BMPR2: variants seen among roughly 807,000 people sequenced by gnomAD.
BMPR2 encodes the protein bone morphogenetic protein receptor type 2.
Under a neutral mutation model 100.8 loss-of-function variants are expected in BMPR2, and 29 were observed. The observed-to-expected ratio is 0.29, with a 90% CI of 0.21 to 0.39. BMPR2 has a LOEUF of 0.39. Ranked by LOEUF, BMPR2 falls within the 10% of genes least tolerant of loss-of-function variation. The probability of loss-of-function intolerance (pLI) is 1.00; values close to 1 mark genes in which losing one functional copy is unlikely to be tolerated. For missense variants in BMPR2, 1,011 were observed against 1,274.5 expected (o/e 0.79, Z 3.15); for synonymous variants, 382 against 442.3 (o/e 0.86, Z 1.71).
At chr2:202,515,081 C>T in intron 5 of BMPR2, 102 bp downstream of exon 5, 2 of 1,219,060 alleles carry the variant, frequency 1.6e-6, no homozygotes, top group Non-Finnish European at 2.4e-6. Flanking sequence ...TTTATTTAAC[C>T]CTATTTACTA....
intron 1 of BMPR2, among the ~76,000 whole-genome samples, chr2:202,445,257 T>C (rs1166821154): frequency 6.7e-6 from 1 of 150,044 alleles, no homozygotes; most frequent in Non-Finnish European, 1.5e-5. Flanking sequence ...AGACAGAGTC[T>C]CCCCCATCAC....
At chr2:202,473,429 G>C (rs1196519616) in intron 3 of BMPR2, among the ~76,000 whole-genome samples, 1 of 152,012 alleles carries the variant, frequency 6.6e-6, no homozygotes, top group Non-Finnish European at 1.5e-5. Context: ...TCCAGCCTAG[G>C]CTACAGAGTG....
At chr2:202,435,836 G>T (rs1691604594) in intron 1 of BMPR2, among the ~76,000 whole-genome samples, 1 of 150,428 alleles carries the variant, frequency 6.6e-6, no homozygotes, top group Admixed American at 6.6e-5. Flanking sequence ...CTATCCTATA[G>T]TCTAGAAGTA....
chr2:202,558,978 G>A (rs1380686220), intron 12 of BMPR2, among the ~76,000 whole-genome samples: 1 of 150,908 alleles, frequency 6.6e-6, no homozygotes, highest in Non-Finnish European at 1.5e-5. Flanking sequence ...TTATTCTTCT[G>A]AAAAATATTG....
chr2:202,485,936 G>A (rs2105977668), intron 3 of BMPR2, among the ~76,000 whole-genome samples: 1 of 152,132 alleles, frequency 6.6e-6, no homozygotes, highest in East Asian at 1.9e-4. Context: ...CTAAGTGAGG[G>A]CTTAGTGCCT....
At chr2:202,404,079 C>A (rs1163806738) in intron 1 of BMPR2, among the ~76,000 whole-genome samples, 1 of 150,694 alleles carries the variant, frequency 6.6e-6, no homozygotes, top group Non-Finnish European at 1.5e-5. Context: ...ACTTGAATAT[C>A]ATTTTACCAA....
chr2:202,535,135 G>T (rs368955916), intron 9 of BMPR2, among the ~76,000 whole-genome samples: 2 of 135,834 alleles, frequency 1.5e-5, no homozygotes, highest in East Asian at 4.5e-4. Flanking sequence ...GCGGGGGGCT[G>T]ACCCCCCCAC....
chr2:202,465,549 T>C (rs1230611825), intron 2 of BMPR2, among the ~76,000 whole-genome samples: 1 of 152,064 alleles, frequency 6.6e-6, no homozygotes, highest in African/African-American at 2.4e-5. Flanking sequence ...AAGTCTACAA[T>C]AATATACTCT....
chr2:202,382,069 T>G lies in BMPR2; in HGVS notation c.76+4519T>G, dbSNP rs550806592. Among the ~76,000 whole-genome samples, 115 of 149,026 alleles carry G rather than the reference T, an allele frequency of 7.7e-4. 2 individuals carry two copies. The highest frequency in any genetic ancestry group is 2.7e-3 in the African/African-American group (109 of 40,640). ...CAGTTTTTGTTTTTGTTTTTTTTTT[T>G]TTTTTTTTGAGATGGAGTCTTGCTC... On this transcript the variant is annotated intron_variant, in intron 1 of 12. Coordinates refer to ENST00000374580, the MANE Select transcript of BMPR2 (RefSeq NM_001204.7).
At chr2:202,400,677 C>G (rs947047700) in intron 1 of BMPR2, among the ~76,000 whole-genome samples, 6 of 152,042 alleles carry the variant, frequency 3.9e-5, no homozygotes, top group Middle Eastern at 3.4e-3. Context: ...GTTTTTATTT[C>G]TACTTGGTGA....
intron 1 of BMPR2, among the ~76,000 whole-genome samples, chr2:202,408,753 A>C (rs938514361): frequency 6.6e-6 from 1 of 152,222 alleles, no homozygotes; most frequent in Non-Finnish European, 1.5e-5. Context: ...ACCTACAAGG[A>C]AACAGGAAGA....
At chr2:202,416,583 G>A (rs1259912036) in intron 1 of BMPR2, among the ~76,000 whole-genome samples, 1 of 151,466 alleles carries the variant, frequency 6.6e-6, no homozygotes, top group Admixed American at 6.6e-5. Flanking sequence ...GTGCCACCAC[G>A]CCCAGCTAAT....
intron 3 of BMPR2, among the ~76,000 whole-genome samples, chr2:202,506,206 G>A (rs1008841629): frequency 4.0e-5 from 6 of 151,898 alleles, no homozygotes; most frequent in Admixed American, 1.3e-4. Context: ...ACCCAGGCTG[G>A]AGTGCAGTGG....
intron 12 of BMPR2, among the ~76,000 whole-genome samples, chr2:202,556,758 C>T (rs1217756152): frequency 6.6e-6 from 1 of 151,968 alleles, no homozygotes; most frequent in Admixed American, 6.6e-5. Context: ...ACCAACCTGG[C>T]CAACATGGCG....
At chr2:202,505,113 A>C (rs988706802) in intron 3 of BMPR2, 1 of 162,074 alleles carries the variant, frequency 6.2e-6, no homozygotes, top group African/African-American at 2.4e-5. Flanking sequence ...AGATAGGCCT[A>C]CTGAACCAAA....
intron 2 of BMPR2, among the ~76,000 whole-genome samples, chr2:202,465,375 A>AGTCTTTG (rs1159390093): frequency 4.6e-5 from 7 of 151,986 alleles, no homozygotes; most frequent in African/African-American, 1.7e-4. Flanking sequence ...GCAACAGAGC[A>AGTCTTTG]AGACTCCATC....
intron 9 of BMPR2, among the ~76,000 whole-genome samples, chr2:202,533,451 C>T (rs748062149): frequency 5.3e-5 from 8 of 151,982 alleles, no homozygotes; most frequent in East Asian, 1.9e-4. Flanking sequence ...TGCTTGAACC[C>T]GGGAGGCAGA....
chr2:202,508,522 T>C (rs991564187), intron 3 of BMPR2, among the ~76,000 whole-genome samples: 4 of 152,244 alleles, frequency 2.6e-5, no homozygotes, highest in African/African-American at 9.6e-5. Context: ...TGATGAAATA[T>C]GGGAGTTGTC....
Position 202,545,733 on chromosome 2 carries a change from A to G in BMPR2, c.1413+3286A>G, listed in dbSNP as rs147533856. On this transcript the variant is annotated intron_variant, in intron 10 of 12. Coordinates refer to ENST00000374580, the MANE Select transcript of BMPR2 (RefSeq NM_001204.7). ...AAGTTTGGCTTCTGTTTCAAGTCAG[A>G]TTGAAATATTTAAGTATGTGGCAAT... Among the ~76,000 whole-genome samples, 25 of 152,278 alleles carry G rather than the reference A, an allele frequency of 1.6e-4. 1 individual carries two copies. In the East Asian group the frequency reaches 4.8e-3, roughly 29 times the overall value.
Sources: gnomAD v4.1 joint callset for allele counts (sites outside exome capture counted in the v4.1 genomes callset) on GRCh38, gnomAD v4.1.1 for gene constraint, MANE v1.5 for transcripts, NCBI Gene and HGNC (gene_info 2026-07-23, HGNC 2026-07-21) for gene names.